KCNJ15: variants seen among roughly 807,000 people sequenced by gnomAD.
The protein encoded by KCNJ15 is ATP-sensitive inward rectifier potassium channel 15.
Under a neutral mutation model 23.0 loss-of-function variants are expected in KCNJ15, and 14 were observed. That is an observed-to-expected ratio of 0.61 (90% confidence interval 0.40 to 0.95). KCNJ15 has a LOEUF of 0.95. Ranked by LOEUF, KCNJ15 falls within the 40% of genes least tolerant of loss-of-function variation. KCNJ15 has a pLI of 0.00. For missense variants in KCNJ15, 388 were observed against 461.8 expected, an observed-to-expected ratio of 0.84 and a Z score of 1.46; for synonymous variants, 185 against 183.2, an observed-to-expected ratio of 1.01 and a Z score of -0.08.
intron 1 of KCNJ15, among the ~76,000 whole-genome samples, chr21:38,279,550 G>C (rs1465373338): frequency 6.6e-6 from 1 of 152,150 alleles, no homozygotes; most frequent in Non-Finnish European, 1.5e-5. Context: ...AAATATCAAG[G>C]AAGATAAGGA....
At chr21:38,291,842 C>T (rs938555692) in intron 1 of KCNJ15, 1 of 152,216 alleles carries the variant, frequency 6.6e-6, no homozygotes, top group African/African-American at 2.4e-5. Context: ...GAAGCATGGA[C>T]TATGGATTCC....
At chr21:38,246,987 A>AGGAT (rs201245942) in intron 1 of KCNJ15, among the ~76,000 whole-genome samples, 4,420 of 152,146 alleles carry the variant, frequency 0.029, 79 homozygotes, top group Non-Finnish European at 0.037. Flanking sequence ...TAAAAAATGA[A>AGGAT]GGATGGATGG....
chr21:38,299,390 G>A lies in KCNJ15; in HGVS notation c.129G>A (p.Val43=), dbSNP rs775571123. The A allele has an allele frequency of 6.2e-7, 1 of 1,614,178 alleles. No homozygotes were observed. Among genetic ancestry groups the A allele is most frequent in the East Asian group, 2.2e-5 (1 of 44,874 alleles). ...SGHSNVRIDK[V]DGIYLLYLQD... is the part of the protein sequence containing the mutation. Reference sequence around the variant, plus strand: ...ACAGCAACGTGAGAATTGACAAAGTGGATGGCATATACCTACTCTACCTGC... The same window carrying A: ...ACAGCAACGTGAGAATTGACAAAGTAGATGGCATATACCTACTCTACCTGC... The change falls in exon 3 of 3, where the codon GTG becomes GTA. Residue 43 remains valine, a synonymous_variant. Coordinates refer to ENST00000398938, the MANE Select transcript of KCNJ15 (RefSeq NM_170736.3). This position sits in a 1 kb window ranked among gnomAD's most constrained non-coding sequence, Gnocchi z 4.5.
rs1464695670 is a variant in KCNJ15, at chr21:38,296,254, GAGATAATTGAT to G, written c.-116-664_-116-654del. On this transcript the variant is annotated intron_variant, in intron 1 of 2. Coordinates refer to ENST00000398938, the MANE Select transcript of KCNJ15 (RefSeq NM_170736.3). ...GATATATAATAAATGATAGATTAGA[GAGATAATTGAT>G]AGATAATAGATTGATAGAAGATAGA... is the stretch of plus-strand genomic sequence containing the variant. 2.0e-5 allele frequency among the ~76,000 whole-genome samples: 3 copies of G among 150,014 alleles called. No individual in the cohort carries two copies. The Admixed American group carries it at 2.0e-4, about 10-fold the overall frequency.
rs200550791 is a variant in KCNJ15, at chr21:38,299,246, T to A, written c.-16T>A. On this transcript the variant is annotated splice_region_variant and 5_prime_UTR_variant, in exon 3 of 3. Coordinates refer to ENST00000398938, the MANE Select transcript of KCNJ15 (RefSeq NM_170736.3). This position sits in a 1 kb window ranked among gnomAD's most constrained non-coding sequence, Gnocchi z 4.5. ...AACATCTTTGTCATTTCTCTAAGTGTTTCCAGAGCCTGGCAATGGATGCCA... is the reference window on the plus strand; with the variant it reads ...AACATCTTTGTCATTTCTCTAAGTGATTCCAGAGCCTGGCAATGGATGCCA... 295 of 1,597,772 alleles carry A rather than the reference T, an allele frequency of 1.8e-4. No homozygotes were observed. The highest frequency in any genetic ancestry group is 2.4e-4 in the Non-Finnish European group (282 of 1,170,936).
At position 38,238,373 on chromosome 21, in the gene KCNJ15, G is replaced by C. The variant is rs934961344; in HGVS notation, c.-398-18673G>C. On this transcript the variant is annotated intron_variant, in intron 1 of 4. Transcript: ENST00000547341. ...AGCCAGTGGGACAGGAAACTCGAGG[G>C]GTCCCCATCAGCCAGAATCAGCACC... The C allele has an allele frequency of 2.2e-5, 16 of 717,756 alleles. No homozygotes were observed. In the African/African-American group the frequency reaches 2.3e-4, roughly 10 times the overall value. The allele number at this position is 717,756 out of a possible 1,614,324, so 44.5% of individuals were successfully genotyped here.
At position 38,284,659 on chromosome 21, in the gene KCNJ15, A is replaced by G. The variant is rs150080160; in HGVS notation, c.-116-12267A>G. 4.2e-3 allele frequency among the ~76,000 whole-genome samples: 644 copies of G among 152,284 alleles called. 5 individuals carry two copies. The highest frequency in any genetic ancestry group is 0.014 in the African/African-American group (599 of 41,562). ...TCTCTTCCTTGAATAAAACCCCAAG[A>G]TACTCCTTGTGCTCCAAGGATGGGG... On this transcript the variant is annotated intron_variant, in intron 1 of 2. Transcript: ENST00000398938.
At chr21:38,239,412 T>C (rs1315206089) in intron 1 of KCNJ15, among the ~76,000 whole-genome samples, 1 of 152,222 alleles carries the variant, frequency 6.6e-6, no homozygotes. Flanking sequence ...AGGACTCCCT[T>C]GGCAGAGAAT....
Position 38,299,441 on chromosome 21 carries a change from C to T in KCNJ15, c.180C>T (p.Asp60=). 6.2e-7 allele frequency: 1 copy of T among 1,614,174 alleles called. No individual in the cohort carries two copies. The highest frequency in any genetic ancestry group is 8.5e-7 in the Non-Finnish European group (1 of 1,180,014). Residue 60 remains aspartate, a synonymous_variant, in exon 3 of 3, where the codon GAC becomes GAT. Coordinates refer to ENST00000398938, the MANE Select transcript of KCNJ15 (RefSeq NM_170736.3). The surrounding 1 kb of genome is among the most constrained non-coding windows in gnomAD (Gnocchi z 4.5). ...YLQDLWTTVI[D]MKWRYKLTLF... ...AAGACCTGTGGACCACAGTTATCGA[C>T]ATGAAGTGGAGATACAAACTCACCC...
intron 1 of KCNJ15, chr21:38,238,471 A>G (rs7278229): frequency 0.038 from 25,116 of 658,146 alleles, 2,079 homozygotes; most frequent in African/African-American, 0.26. Flanking sequence ...GTCTCCACAG[A>G]TGGTGATCTG....
At chr21:38,231,198 CT>C (rs1234628353) in intron 1 of KCNJ15, among the ~76,000 whole-genome samples, 1 of 151,888 alleles carries the variant, frequency 6.6e-6, no homozygotes, top group African/African-American at 2.4e-5. Context: ...GTATCTTATT[CT>C]TTTTGGATGT....
At chr21:38,243,183 T>A (rs949299977) in intron 1 of KCNJ15, among the ~76,000 whole-genome samples, 10 of 151,506 alleles carry the variant, frequency 6.6e-5, no homozygotes, top group Non-Finnish European at 1.2e-4. Flanking sequence ...CTTTTCTGAT[T>A]TTTTTTTTCC....
At chr21:38,238,753 G>T (rs1293143431) in intron 1 of KCNJ15, 1 of 369,138 alleles carries the variant, frequency 2.7e-6, no homozygotes. Flanking sequence ...GGAAGGAAAA[G>T]AGGGGAGAAG....
At chr21:38,243,850 C>T (rs78807501) in intron 1 of KCNJ15, among the ~76,000 whole-genome samples, 2,959 of 152,296 alleles carry the variant, frequency 0.019, 89 homozygotes, top group African/African-American at 0.065. Flanking sequence ...TGACAGGCTG[C>T]ATTTGACCTG....
rs1440558443 is a variant in KCNJ15 at position 38,301,734 on chromosome 21, A to G, written c.*1345A>G. ...TTAAATAAAGCTCATACCAAGAGGT[A>G]ACATTTTGCCCCGGGCCAAATTCAG... On this transcript the variant is annotated 3_prime_UTR_variant, in exon 3 of 3. Transcript: ENST00000398938. The G allele has an allele frequency of 1.2e-5, 2 of 167,108 alleles. No individual in the cohort carries two copies. The highest frequency in any genetic ancestry group is 2.9e-5 in the Non-Finnish European group (2 of 68,128). The allele number at this position is 167,108 out of a possible 1,614,324, so 10.4% of individuals were successfully genotyped here. A position where few individuals can be genotyped will look rare whatever the true frequency, so the allele number is the denominator to read the frequency against.
chr21:38,246,195 T>C (rs979723615), intron 1 of KCNJ15, among the ~76,000 whole-genome samples: 3 of 152,246 alleles, frequency 2.0e-5, no homozygotes, highest in African/African-American at 7.2e-5. Flanking sequence ...TCATCAGAGC[T>C]AAAACGAATC....
intron 1 of KCNJ15, among the ~76,000 whole-genome samples, chr21:38,285,058 G>A (rs1983744277): frequency 6.6e-6 from 1 of 152,118 alleles, no homozygotes; most frequent in East Asian, 1.9e-4. Flanking sequence ...ATAAATTCTT[G>A]CCACACAAAC....
chr21:38,285,718 G>A (rs1983814381), intron 1 of KCNJ15: 1 of 152,246 alleles, frequency 6.6e-6, no homozygotes, highest in South Asian at 2.1e-4. Flanking sequence ...TCTGTTCTGA[G>A]GTGAATAAAG....
intron 1 of KCNJ15, among the ~76,000 whole-genome samples, chr21:38,231,406 T>G (rs958163440): frequency 2.6e-5 from 4 of 151,930 alleles, no homozygotes; most frequent in African/African-American, 9.7e-5. Context: ...TTTCCTTATG[T>G]TTTTGCAATC....
Sources: gnomAD v4.1 joint callset for allele counts (sites outside exome capture counted in the v4.1 genomes callset) on GRCh38, gnomAD v4.1.1 for gene constraint, Gnocchi (gnomAD v3.1) non-coding constraint, MANE v1.5 for transcripts, NCBI Gene and HGNC (gene_info 2026-07-23, HGNC 2026-07-21) for gene names.